Variants in WIPF2 observed in about 807,000 individuals in gnomAD.
WIPF2 encodes WAS/WASL interacting protein family member 2.
A neutral mutation model predicts 38.8 loss-of-function variants in WIPF2; 23 were observed. The observed-to-expected ratio is 0.59, with a 90% CI of 0.43 to 0.84. The LOEUF is 0.84. WIPF2 is among the 40% of genes least tolerant of loss of function. The pLI is 0.00. For missense variants in WIPF2, 574 were observed against 580.5 expected, an observed-to-expected ratio of 0.99 and a Z score of 0.11; for synonymous variants, 210 against 223.2, an observed-to-expected ratio of 0.94 and a Z score of 0.53.
At chr17:40,246,930 T>A (rs1000693010) in intron 1 of WIPF2, among the ~76,000 whole-genome samples, 20 of 151,412 alleles carry the variant, frequency 1.3e-4, no homozygotes, top group African/African-American at 3.9e-4. Flanking sequence ...GCCAACATAG[T>A]GAAACCCCGT....
rs959890729 is a variant in WIPF2 at position 40,222,775 on chromosome 17, C to T, written c.-70+3283C>T. Among the ~76,000 whole-genome samples the T allele has an allele frequency of 3.7e-5, 5 of 134,898 alleles. 1 individual carries two copies. Among genetic ancestry groups the T allele is most frequent in the Admixed American group, 8.3e-5 (1 of 12,036 alleles). 88.5% of individuals were successfully genotyped at this position (134,898 alleles called of 152,430 possible). The stretch of plus-strand genomic sequence containing the variant: ...AACCTCCGCCTGCCGGATTCAAGCG[C>T]TTCTCCTGCCTCAGTCCCCCAAGTA... On this transcript the variant is annotated intron_variant, in intron 1 of 7. Coordinates refer to ENST00000323571, the MANE Select transcript of WIPF2 (RefSeq NM_133264.5).
chr17:40,221,583 TTTTG>T (rs1475578854), intron 1 of WIPF2, among the ~76,000 whole-genome samples: 14 of 151,596 alleles, frequency 9.2e-5, no homozygotes, highest in South Asian at 2.1e-4. Flanking sequence ...CTGTCTCTTT[TTTTG>T]TTTGTTTGTT....
chr17:40,231,247 G>T (rs894133212), intron 1 of WIPF2, among the ~76,000 whole-genome samples: 1 of 152,120 alleles, frequency 6.6e-6, no homozygotes, highest in African/African-American at 2.4e-5. Flanking sequence ...TAGATTATCT[G>T]TGGTGAGTTG....
At chr17:40,261,563 G>C (rs1598490697) in intron 3 of WIPF2, among the ~76,000 whole-genome samples, 1 of 151,818 alleles carries the variant, frequency 6.6e-6, no homozygotes, top group Non-Finnish European at 1.5e-5. Context: ...CTCTCAAAGT[G>C]CTGGGATTAC....
At chr17:40,248,164 T>TC (rs2031435424) in intron 1 of WIPF2, among the ~76,000 whole-genome samples, 1 of 79,770 alleles carries the variant, frequency 1.3e-5, no homozygotes, top group African/African-American at 5.6e-5. Context: ...AAGTTATTTC[T>TC]TTTTTTTTTT....
chr17:40,265,004 G>A lies in WIPF2; in HGVS notation c.828G>A (p.Leu276=), dbSNP rs761678744. ...SSPTNESAPE[L]PQRHNSLHRK... is the part of the protein sequence containing the mutation. ...CCACTAATGAGTCAGCCCCTGAGCT[G>A]CCACAGAGACACAATTCTTTGCATA... The change falls in exon 5 of 8, where the codon CTG becomes CTA. Residue 276 remains leucine (L), a synonymous_variant. Coordinates refer to ENST00000323571, the MANE Select transcript of WIPF2 (RefSeq NM_133264.5). 6 of 1,614,112 alleles carry A rather than the reference G, an allele frequency of 3.7e-6. No homozygotes were observed. The highest frequency in any genetic ancestry group is 5.1e-6 in the Non-Finnish European group (6 of 1,180,014).
intron 1 of WIPF2, among the ~76,000 whole-genome samples, chr17:40,253,885 A>T (rs1185623028): frequency 6.6e-6 from 1 of 152,116 alleles, no homozygotes; most frequent in Non-Finnish European, 1.5e-5. Flanking sequence ...TGTTGGAAAA[A>T]TTTCCCTTTC....
chr17:40,251,164 T>C (rs1302022783), intron 1 of WIPF2, among the ~76,000 whole-genome samples: 2 of 152,070 alleles, frequency 1.3e-5, no homozygotes, highest in Non-Finnish European at 2.9e-5. Flanking sequence ...TCCGCCCTCC[T>C]CGGCCTCCCA....
At chr17:40,234,494 C>G (rs1447552514) in intron 1 of WIPF2, among the ~76,000 whole-genome samples, 2 of 151,936 alleles carry the variant, frequency 1.3e-5, no homozygotes, top group Non-Finnish European at 2.9e-5. Context: ...GTGGCATGCA[C>G]TTGTAGTTCC....
At chr17:40,250,065 C>A (rs1237103334) in intron 1 of WIPF2, among the ~76,000 whole-genome samples, 3 of 151,586 alleles carry the variant, frequency 2.0e-5, no homozygotes, top group Non-Finnish European at 1.5e-5. Context: ...ATCTCCTGAC[C>A]TTGTGATCTG....
At chr17:40,229,347 T>C (rs1282951224) in intron 1 of WIPF2, among the ~76,000 whole-genome samples, 1 of 152,104 alleles carries the variant, frequency 6.6e-6, no homozygotes, top group Non-Finnish European at 1.5e-5. Flanking sequence ...CCTCAGGTGA[T>C]CCGCCCACCT....
chr17:40,272,192 G>A (rs973665854), intron 5 of WIPF2, among the ~76,000 whole-genome samples: 12 of 152,072 alleles, frequency 7.9e-5, no homozygotes, highest in African/African-American at 2.9e-4. Flanking sequence ...GCTAATTTTT[G>A]TATTTTAATA....
At chr17:40,253,250 G>C (rs953698486) in intron 1 of WIPF2, among the ~76,000 whole-genome samples, 1 of 151,700 alleles carries the variant, frequency 6.6e-6, no homozygotes, top group Non-Finnish European at 1.5e-5. Context: ...TTTTAGTAGA[G>C]ACAGGGTTTC....
chr17:40,219,385 G>C lies in WIPF2; in HGVS notation c.-177G>C, dbSNP rs1162233800. On this transcript the variant is annotated 5_prime_UTR_variant, in exon 1 of 8. Transcript: ENST00000323571. The stretch of plus-strand genomic sequence containing the variant: ...AGGGGCGGTGGCGGCGGCGGCGGCG[G>C]CGGCGGCGGCGGCGACGGCGAGAAA... The C allele has an allele frequency of 2.4e-6, 1 of 416,358 alleles. No homozygotes were observed. The highest frequency in any genetic ancestry group is 4.5e-6 in the Non-Finnish European group (1 of 220,288). 25.8% of individuals were successfully genotyped at this position (416,358 alleles called of 1,614,324 possible).
At chr17:40,242,257 C>T (rs936848148) in intron 1 of WIPF2, among the ~76,000 whole-genome samples, 9 of 152,102 alleles carry the variant, frequency 5.9e-5, no homozygotes, top group African/African-American at 2.2e-4. Flanking sequence ...GTCCCAGCTA[C>T]TCGGGAGGCT....
chr17:40,234,662 G>A (rs1283196389), intron 1 of WIPF2, among the ~76,000 whole-genome samples: 1 of 152,006 alleles, frequency 6.6e-6, no homozygotes, highest in Non-Finnish European at 1.5e-5. Context: ...ATTTCAAAGA[G>A]GATATTTTAG....
chr17:40,268,882 A>G lies in WIPF2; in HGVS notation c.970+3736A>G, dbSNP rs565018071. 7.9e-5 allele frequency among the ~76,000 whole-genome samples: 12 copies of G among 152,330 alleles called. No homozygotes were observed. In the East Asian group the frequency reaches 2.1e-3, roughly 27 times the overall value. ...TTCTCTTTTCTCACCTGTAAAATGT[A>G]CATTTGAAAAGTACAGTGGGGGTCA... is the stretch of plus-strand genomic sequence containing the variant. On this transcript the variant is annotated intron_variant, in intron 5 of 7. Coordinates refer to ENST00000323571, the MANE Select transcript of WIPF2 (RefSeq NM_133264.5).
At chr17:40,230,223 T>C (rs9908034) in intron 1 of WIPF2, among the ~76,000 whole-genome samples, 21,551 of 152,062 alleles carry the variant, frequency 0.14, 1,604 homozygotes, top group East Asian at 0.29. Context: ...CCCGTGGTTC[T>C]AGCCGCTCAG....
chr17:40,223,587 A>AT (rs200826572), intron 1 of WIPF2, among the ~76,000 whole-genome samples: 1 of 143,746 alleles, frequency 7.0e-6, no homozygotes. Context: ...TGAAGAGAAA[A>AT]TTTTTTTTTG....
Sources: gnomAD v4.1 joint callset for allele counts (sites outside exome capture counted in the v4.1 genomes callset) on GRCh38, gnomAD v4.1.1 for gene constraint, MANE v1.5 for transcripts, NCBI Gene and HGNC (gene_info 2026-07-23, HGNC 2026-07-21) for gene names.